The following ACAD10 variants were observed in gnomAD, a reference collection of about 807,000 sequenced individuals.
ACAD10 encodes the protein ACAD-10.
In ACAD10, 112 loss-of-function variants were observed where a neutral mutation model predicts 116.8. That is an observed-to-expected ratio of 0.96 (90% CI 0.82 to 1.12). The LOEUF (loss-of-function observed/expected upper bound fraction) is 1.12, where lower values mean the gene tolerates loss of function less well. Among genes scored for constraint, ACAD10 ranks in the 50% most tolerant of loss-of-function variants. The probability of loss-of-function intolerance (pLI) is 0.00; values close to 1 mark genes in which losing one functional copy is unlikely to be tolerated. For missense variants in ACAD10, 1,259 were observed against 1,350.2 expected (o/e 0.93, Z 1.06); for synonymous variants, 486 against 510.6 (o/e 0.95, Z 0.65).
intron 2 of ACAD10, among the ~76,000 whole-genome samples, chr12:111,699,924 CAAAAAT>C (rs960738088): frequency 2.0e-5 from 3 of 148,754 alleles, no homozygotes; most frequent in Non-Finnish European, 4.5e-5. Flanking sequence ...TCTTAAAAAA[CAAAAAT>C]AAAGAAGGGC....
At chr12:111,733,871 C>T in intron 10 of ACAD10, 52 bp from the exon 11 acceptor site, 5 of 1,610,894 alleles carry the variant, frequency 3.1e-6, no homozygotes, top group Non-Finnish European at 3.4e-6. Context: ...CAGAATCCAC[C>T]CTAGCCGGCA....
At chr12:111,701,103 A>G (rs1454023443) in intron 2 of ACAD10, among the ~76,000 whole-genome samples, 1 of 151,940 alleles carries the variant, frequency 6.6e-6, no homozygotes, top group African/African-American at 2.4e-5. Flanking sequence ...TGTCTGAAAA[A>G]TTTTCAATGC....
Position 111,749,201 on chromosome 12 carries a change from C to G in ACAD10, c.2673C>G (p.His891Gln). The change falls in exon 18 of 21, where the codon CAC becomes CAG. Residue 891 changes from histidine to glutamine, a missense_variant. Transcript: ENST00000313698. ...PGGHGEVRFEHVRVPKENMVL... is the reference protein window; with the variant it reads ...PGGHGEVRFEQVRVPKENMVL... ...GCCATGGTGAAGTCCGATTTGAGCA[C>G]GTGCGTGTGCCCAAAGAGAACATGG... 1 of 1,613,772 alleles carries G rather than the reference C, an allele frequency of 6.2e-7. No homozygotes were observed. Among genetic ancestry groups the G allele is most frequent in the Non-Finnish European group, 8.5e-7 (1 of 1,179,738 alleles).
Position 111,747,114 on chromosome 12 carries a change from G to A in ACAD10, c.2322G>A (p.Ala774=), listed in dbSNP as rs1000232280. The A allele has an allele frequency of 1.2e-5, 20 of 1,613,288 alleles. No individual in the cohort carries two copies. The highest frequency in any genetic ancestry group is 1.4e-5 in the Non-Finnish European group (17 of 1,179,486). ...MELLVRYGTE[A]QKARWLIPLL... ...TGCTGGTGAGGTATGGCACCGAAGC[G>A]CAGAAGGCTCGCTGGCTGATTCCTC... is the stretch of plus-strand genomic sequence containing the variant. The change falls in exon 15 of 21, where the codon GCG becomes GCA. Residue 774 remains alanine (A), a synonymous_variant. Transcript: ENST00000313698.
intron 1 of ACAD10, among the ~76,000 whole-genome samples, chr12:111,688,728 C>T (rs1434139381): frequency 6.7e-6 from 1 of 150,292 alleles, no homozygotes; most frequent in Non-Finnish European, 1.5e-5. Flanking sequence ...TAGCTTGAAC[C>T]TGGGAGGCGG....
chr12:111,729,802 G>T lies in ACAD10; in HGVS notation c.1244-4G>T, dbSNP rs548714217. On this transcript the variant is annotated splice_region_variant and splice_polypyrimidine_tract_variant and intron_variant, in intron 9 of 20. Transcript: ENST00000313698. ...ACACCAAGTTCTAATCCTATTTCCC[G>T]CAGGGGACTATATTCCACGCCAGGT... 2.0e-5 allele frequency: 33 copies of T among 1,610,498 alleles called. No individual in the cohort carries two copies. The Middle Eastern group carries it at 4.9e-4, about 24-fold the overall frequency.
intron 12 of ACAD10, among the ~76,000 whole-genome samples, chr12:111,739,527 TG>T (rs1220139178): frequency 6.6e-6 from 1 of 152,022 alleles, no homozygotes; most frequent in African/African-American, 2.4e-5. Flanking sequence ...GAAACCGAGG[TG>T]GGTGGATCAC....
At chr12:111,706,308 A>G (rs1324850789) in intron 4 of ACAD10, among the ~76,000 whole-genome samples, 2 of 152,174 alleles carry the variant, frequency 1.3e-5, no homozygotes, top group Non-Finnish European at 2.9e-5. Flanking sequence ...AGTGCTGTCC[A>G]ATAAAATTTT....
chr12:111,741,768 T>A (rs1032233733), intron 12 of ACAD10, among the ~76,000 whole-genome samples: 2 of 152,236 alleles, frequency 1.3e-5, no homozygotes, highest in African/African-American at 4.8e-5. Context: ...TTCTGTACAT[T>A]TGTCTTCTAC....
At chr12:111,702,909 C>T (rs1399747496) in intron 3 of ACAD10, among the ~76,000 whole-genome samples, 1 of 151,898 alleles carries the variant, frequency 6.6e-6, no homozygotes, top group Non-Finnish European at 1.5e-5. Flanking sequence ...GCTTAGGCAA[C>T]ATAGCCAGAC....
intron 20 of ACAD10, 62 bp from the exon 21 acceptor site, chr12:111,756,271 C>G: frequency 1.3e-6 from 2 of 1,514,316 alleles, no homozygotes; most frequent in Non-Finnish European, 1.8e-6. Context: ...GGCTATCATT[C>G]CTGGGGCTCT....
chr12:111,751,307 C>T (rs1312382736), intron 18 of ACAD10, among the ~76,000 whole-genome samples: 1 of 152,066 alleles, frequency 6.6e-6, no homozygotes, highest in South Asian at 2.1e-4. Flanking sequence ...ACTATATACA[C>T]TTAAATTTAA....
intron 19 of ACAD10, among the ~76,000 whole-genome samples, chr12:111,754,924 A>C (rs1566171880): frequency 1.3e-5 from 2 of 152,230 alleles, no homozygotes; most frequent in African/African-American, 4.8e-5. Flanking sequence ...AATAGTTGCC[A>C]ACATGGCGCC....
chr12:111,726,470 G>A (rs1433243571), intron 8 of ACAD10, among the ~76,000 whole-genome samples: 1 of 152,062 alleles, frequency 6.6e-6, no homozygotes, highest in Non-Finnish European at 1.5e-5. Flanking sequence ...CTGTATGTTT[G>A]TTCCCTAATT....
rs749614421 is a variant in ACAD10 at position 111,755,654 on chromosome 12, C to T, written c.2962-14C>T. 1 of 1,611,580 alleles carries T rather than the reference C, an allele frequency of 6.2e-7. No homozygotes were observed. The highest frequency in any genetic ancestry group is 8.5e-7 in the Non-Finnish European group (1 of 1,178,294). ...CCTCGGGTCTTTTATGATCGCATCT[C>T]CTCCTCCTTACAGGCTGCAGCCTTG... On this transcript the variant is annotated splice_polypyrimidine_tract_variant and intron_variant, in intron 19 of 20. Coordinates refer to ENST00000313698, the MANE Select transcript of ACAD10 (RefSeq NM_025247.6).
At chr12:111,737,584 T>C (rs766938133) in intron 12 of ACAD10, among the ~76,000 whole-genome samples, 9 of 152,194 alleles carry the variant, frequency 5.9e-5, no homozygotes, top group Non-Finnish European at 8.8e-5. Context: ...AATTTGGTCA[T>C]ATAGAATTAT....
chr12:111,720,124 A>G (rs1403877562), intron 7 of ACAD10, among the ~76,000 whole-genome samples: 1 of 152,218 alleles, frequency 6.6e-6, no homozygotes, highest in Non-Finnish European at 1.5e-5. Flanking sequence ...TCGGCCTCCC[A>G]AAATGCTGGG....
rs1824413476 is a variant in ACAD10, at chr12:111,729,862, A to C, written c.1300A>C (p.Thr434Pro). 6.2e-7 allele frequency: 1 copy of C among 1,614,166 alleles called. No individual in the cohort carries two copies. The highest frequency in any genetic ancestry group is 8.5e-7 in the Non-Finnish European group (1 of 1,180,036). ...TWVKQYRASE[T>P]STIPAMERLI... ...GGTTAAGCAGTATCGAGCTTCCGAA[A>C]CTAGCACCATCCCAGCCATGGAGAG... is the stretch of plus-strand genomic sequence containing the variant. The change falls in exon 10 of 21, where the codon ACT becomes CCT. Residue 434 changes from threonine to proline, a missense_variant. By Grantham distance (38) the Thr-to-Pro change is conservative. Coordinates refer to ENST00000313698, the MANE Select transcript of ACAD10 (RefSeq NM_025247.6).
intron 2 of ACAD10, among the ~76,000 whole-genome samples, chr12:111,699,677 T>C (rs1261054012): frequency 6.6e-6 from 1 of 152,158 alleles, no homozygotes; most frequent in Admixed American, 6.6e-5. Flanking sequence ...CCCAGCACTT[T>C]GGGAGGCCGA....
Sources: gnomAD v4.1 joint callset for allele counts (sites outside exome capture counted in the v4.1 genomes callset) on GRCh38, gnomAD v4.1.1 for gene constraint, MANE v1.5 for transcripts, NCBI Gene and HGNC (gene_info 2026-07-23, HGNC 2026-07-21) for gene names.